SPECC1: variants seen among roughly 807,000 people sequenced by gnomAD.
The protein encoded by SPECC1 is sperm antigen with calponin homology and coiled-coil domains 1, also known as cytospin-B.
In SPECC1, 62 loss-of-function variants were observed where a neutral mutation model predicts 104.1. The observed-to-expected ratio is 0.60, with a 90% CI of 0.49 to 0.74. The LOEUF (loss-of-function observed/expected upper bound fraction) is 0.74. Ranked by LOEUF, SPECC1 falls within the 30% of genes least tolerant of loss-of-function variation. The pLI is 0.00. For synonymous variants in SPECC1, 513 were observed against 501.6 expected (o/e 1.02, Z -0.30); for missense variants, 1,306 against 1,310.5 (o/e 1.00, Z 0.05).
chr17:20,067,514 G>T (rs1280995008), intron 1 of SPECC1: 1 of 151,822 alleles, frequency 6.6e-6, no homozygotes, highest in Non-Finnish European at 1.5e-5. Flanking sequence ...AGCTCCTACT[G>T]CATACACTTT....
At chr17:20,232,051 T>C in intron 6 of SPECC1, 149 bp from the exon 7 acceptor site, 1 of 991,974 alleles carries the variant, frequency 1.0e-6, no homozygotes. Context: ...CCAGTGCCTT[T>C]TCCTAGCAGT....
At chr17:20,209,974 G>A (rs928739056) in intron 4 of SPECC1, among the ~76,000 whole-genome samples, 12 of 152,126 alleles carry the variant, frequency 7.9e-5, no homozygotes, top group South Asian at 2.1e-4. Flanking sequence ...ACTTCAGTCC[G>A]CTTCCAGAAG....
Position 20,316,738 on chromosome 17 carries a change from C to A in SPECC1, c.*2673C>A. Reference sequence around the variant, plus strand: ...TTGAGACAGAGTCTTGCTCTGTCGCCCAGGCTGGAGTGCCAGTGGCGCGAT... The same window carrying A: ...TTGAGACAGAGTCTTGCTCTGTCGCACAGGCTGGAGTGCCAGTGGCGCGAT... On this transcript the variant is annotated 3_prime_UTR_variant, in exon 15 of 15. Transcript: ENST00000395527. 5.1e-6 allele frequency: 1 copy of A among 196,496 alleles called. No individual in the cohort carries two copies. Among genetic ancestry groups the A allele is most frequent in the Non-Finnish European group, 1.1e-5 (1 of 94,670 alleles). 12.2% of individuals were successfully genotyped at this position (196,496 alleles called of 1,614,324 possible). A position where few individuals can be genotyped will look rare whatever the true frequency, so the allele number is the denominator to read the frequency against.
chr17:20,136,949 T>C (rs374777758), intron 3 of SPECC1, among the ~76,000 whole-genome samples: 45 of 152,304 alleles, frequency 3.0e-4, no homozygotes, highest in African/African-American at 1.0e-3. Flanking sequence ...TTCCTCCCAC[T>C]AAGGTTTGAG....
rs999598099 is a variant in SPECC1, at chr17:20,153,775, T to C, written c.283+43213T>C. 2.6e-5 allele frequency among the ~76,000 whole-genome samples: 4 copies of C among 152,250 alleles called. No individual in the cohort carries two copies. The South Asian group carries it at 8.3e-4, about 31-fold the overall frequency. ...AATAAGTATGTAACTGTTCTGTAGATTGAAGTTGTGTCACTCTTACCATGA... is the reference window on the plus strand; with the variant it reads ...AATAAGTATGTAACTGTTCTGTAGACTGAAGTTGTGTCACTCTTACCATGA... On this transcript the variant is annotated intron_variant, in intron 3 of 14. Transcript: ENST00000395527.
At chr17:20,025,851 T>C (rs1455094382) in intron 1 of SPECC1, among the ~76,000 whole-genome samples, 3 of 152,184 alleles carry the variant, frequency 2.0e-5, no homozygotes, top group Non-Finnish European at 4.4e-5. Context: ...TTCTGATTTT[T>C]TCACATCCTT....
intron 3 of SPECC1, among the ~76,000 whole-genome samples, chr17:20,172,728 C>G: frequency 6.6e-6 from 1 of 152,180 alleles, no homozygotes; most frequent in Non-Finnish European, 1.5e-5. Flanking sequence ...TCTGTGCCCA[C>G]TAGCCCTTGA....
chr17:20,112,794 T>G, intron 3 of SPECC1: 1 of 1,461,172 alleles, frequency 6.8e-7, no homozygotes, highest in African/African-American at 1.4e-5. Context: ...GGAATTAACC[T>G]GAGAGTGACT....
At chr17:20,298,948 A>AGAGAGAGAGAGAGAGAGAGAGTGTGT in intron 13 of SPECC1, among the ~76,000 whole-genome samples, 1 of 49,076 alleles carries the variant, frequency 2.0e-5, no homozygotes, top group African/African-American at 9.3e-5. Flanking sequence ...AGAGAGAGAG[A>AGAGAGAGAGAGAGAGAGAGAGTGTGT]GTGTGTGTGT....
intron 4 of SPECC1, among the ~76,000 whole-genome samples, chr17:20,212,616 A>T (rs978080386): frequency 6.6e-6 from 1 of 152,176 alleles, no homozygotes; most frequent in Non-Finnish European, 1.5e-5. Context: ...GGTCCCTCCC[A>T]CAACATGTGG....
At chr17:20,031,245 C>T (rs186942093) in intron 1 of SPECC1, among the ~76,000 whole-genome samples, 1 of 152,318 alleles carries the variant, frequency 6.6e-6, no homozygotes, top group East Asian at 1.9e-4. Flanking sequence ...TCGCCTGCCT[C>T]GGCCTCCCAA....
chr17:20,030,517 C>T (rs868133343), intron 1 of SPECC1, among the ~76,000 whole-genome samples: 1 of 151,954 alleles, frequency 6.6e-6, no homozygotes, highest in Middle Eastern at 3.4e-3. Flanking sequence ...CTCTTTTGTG[C>T]AGTTATTTGC....
intron 12 of SPECC1, among the ~76,000 whole-genome samples, chr17:20,292,516 GT>G (rs2041206454): frequency 3.3e-5 from 5 of 152,208 alleles, no homozygotes; most frequent in Admixed American, 2.6e-4. Flanking sequence ...TTTTAGTAGA[GT>G]TGAGGTTTCA....
chr17:20,238,700 T>G, intron 7 of SPECC1: 2 of 1,040,110 alleles, frequency 1.9e-6, no homozygotes, highest in Non-Finnish European at 2.3e-6. Context: ...TACCTCAGAT[T>G]CAGAGTTCTT....
In SPECC1 at chr17:20,177,455, T is replaced by C. The variant is rs550385373; in HGVS notation, c.284-26878T>C. On this transcript the variant is annotated intron_variant, in intron 3 of 14. Coordinates refer to ENST00000395527, the MANE Select transcript of SPECC1 (RefSeq NM_001243439.2). Reference sequence around the variant, plus strand: ...AAAATAAAATCATTCAAAGCCCTGCTACTCAGAGATAATGACTGTTGACAT... The same window carrying C: ...AAAATAAAATCATTCAAAGCCCTGCCACTCAGAGATAATGACTGTTGACAT... 8.5e-5 allele frequency among the ~76,000 whole-genome samples: 13 copies of C among 152,340 alleles called. No individual in the cohort carries two copies. The South Asian group carries it at 1.7e-3, about 19-fold the overall frequency.
At chr17:20,010,578 G>A (rs1441981328) in intron 1 of SPECC1, among the ~76,000 whole-genome samples, 8 of 152,222 alleles carry the variant, frequency 5.3e-5, no homozygotes, top group Admixed American at 6.5e-5. Context: ...CCAAACTACA[G>A]CTGAAGCTGA....
chr17:20,071,600 T>G (rs1422617846), intron 1 of SPECC1, among the ~76,000 whole-genome samples: 1 of 152,236 alleles, frequency 6.6e-6, no homozygotes, highest in African/African-American at 2.4e-5. Flanking sequence ...GAGAGCATGG[T>G]ATGCTTTTCA....
chr17:20,250,358 A>G (rs1215408948), intron 9 of SPECC1, among the ~76,000 whole-genome samples: 1 of 152,228 alleles, frequency 6.6e-6, no homozygotes, highest in Non-Finnish European at 1.5e-5. Flanking sequence ...AAAGACTATT[A>G]AAATTCAAAA....
At chr17:20,048,369 G>A (rs906133214) in intron 1 of SPECC1, among the ~76,000 whole-genome samples, 10 of 151,876 alleles carry the variant, frequency 6.6e-5, no homozygotes, top group African/African-American at 1.2e-4. Flanking sequence ...TCCTGACCTC[G>A]TGATCTGTCC....
Sources: gnomAD v4.1 joint callset for allele counts (sites outside exome capture counted in the v4.1 genomes callset) on GRCh38, gnomAD v4.1.1 for gene constraint, MANE v1.5 for transcripts, NCBI Gene and HGNC (gene_info 2026-07-23, HGNC 2026-07-21) for gene names.